DCAF5: variants seen among roughly 807,000 people sequenced by gnomAD.
DCAF5 encodes the protein DDB1- and CUL4-associated factor 5.
A neutral mutation model predicts 80.7 loss-of-function variants in DCAF5; 9 were observed. The ratio of observed to expected loss-of-function variants is 0.11; its 90% CI spans 0.07 to 0.19. The LOEUF (loss-of-function observed/expected upper bound fraction) is 0.19. Ranked by LOEUF, DCAF5 falls within the 10% of genes least tolerant of loss-of-function variation. The pLI is 1.00. For missense variants in DCAF5, 842 were observed against 1,205.7 expected (o/e 0.70, Z 4.47); for synonymous variants, 433 against 461.9 (o/e 0.94, Z 0.80).
chr14:69,064,387 A>G (rs1215615192), intron 7 of DCAF5, among the ~76,000 whole-genome samples: 1 of 152,138 alleles, frequency 6.6e-6, no homozygotes, highest in African/African-American at 2.4e-5. Context: ...ATTTAAATCT[A>G]GTAACAGTCT....
At chr14:69,106,973 T>C (rs1003128960) in intron 5 of DCAF5, among the ~76,000 whole-genome samples, 5 of 152,016 alleles carry the variant, frequency 3.3e-5, no homozygotes, top group Non-Finnish European at 7.4e-5. Context: ...ACCCAAGAGG[T>C]GGAAGCTGCA....
At chr14:69,127,511 G>T (rs2140084266) in intron 1 of DCAF5, among the ~76,000 whole-genome samples, 1 of 152,292 alleles carries the variant, frequency 6.6e-6, no homozygotes, top group African/African-American at 2.4e-5. Context: ...ATGGAGCAGA[G>T]AAGATTTTTA....
chr14:69,118,956 A>C lies in DCAF5; in HGVS notation c.395+238T>G. ...CCTTCTCTTCTAAACTCTTGTTTTA[A>C]ATTTTCACCTAAAAAGTACACTCTC... On this transcript the variant is annotated intron_variant, in intron 3 of 8. Transcript: ENST00000341516. The surrounding 1 kb of genome is among the most constrained non-coding windows in gnomAD (Gnocchi z 4.0). 2.0e-6 allele frequency: 1 copy of C among 496,722 alleles called. No individual in the cohort carries two copies. The highest frequency in any genetic ancestry group is 3.5e-6 in the Non-Finnish European group (1 of 284,484). The allele number at this position is 496,722 out of a possible 1,614,324, so 30.8% of individuals were successfully genotyped here.
intron 1 of DCAF5, among the ~76,000 whole-genome samples, chr14:69,144,422 A>T (rs1417532734): frequency 6.6e-6 from 1 of 151,936 alleles, no homozygotes; most frequent in Non-Finnish European, 1.5e-5. Context: ...AATACAAAAA[A>T]TTAGCTGGGC....
In DCAF5 at chr14:69,058,614, C is replaced by G. The variant is rs558242799; in HGVS notation, c.1075-3003G>C. ...AAAGAGCCAGGCGTGGTGGCTCACA[C>G]CTGTAATCCCAGGACTTTGGGACGT... On this transcript the variant is annotated intron_variant, in intron 8 of 8. Coordinates refer to ENST00000341516, the MANE Select transcript of DCAF5 (RefSeq NM_003861.3). Among the ~76,000 whole-genome samples the G allele has an allele frequency of 4.6e-5, 7 of 152,064 alleles. No homozygotes were observed. The East Asian group carries it at 9.7e-4, about 21-fold the overall frequency.
At position 69,122,376 on chromosome 14, in the gene DCAF5, AGAAT is replaced by A; in HGVS notation, c.215-20_215-17del. ...TCATCTCCTCCTTAAGAAGGAAATA[AGAAT>A]CTGTGCTTAAAACAGCTGACATCGC... On this transcript the variant is annotated splice_polypyrimidine_tract_variant and intron_variant, in intron 1 of 8. Coordinates refer to ENST00000341516, the MANE Select transcript of DCAF5 (RefSeq NM_003861.3). The A allele has an allele frequency of 6.2e-7, 1 of 1,605,012 alleles. No homozygotes were observed. The highest frequency in any genetic ancestry group is 8.5e-7 in the Non-Finnish European group (1 of 1,172,880).
chr14:69,121,748 G>A (rs2040725097), intron 2 of DCAF5, among the ~76,000 whole-genome samples: 1 of 152,182 alleles, frequency 6.6e-6, no homozygotes, highest in African/African-American at 2.4e-5. Flanking sequence ...AGAGGTTGGT[G>A]TGAGCACCAG....
chr14:69,150,556 T>C (rs1287163134), intron 1 of DCAF5, among the ~76,000 whole-genome samples: 1 of 152,136 alleles, frequency 6.6e-6, no homozygotes, highest in Admixed American at 6.5e-5. Flanking sequence ...AGATAAATTA[T>C]GTGGCATGGA....
At chr14:69,139,120 C>A (rs1008276139) in intron 1 of DCAF5, among the ~76,000 whole-genome samples, 2 of 152,106 alleles carry the variant, frequency 1.3e-5, no homozygotes, top group African/African-American at 2.4e-5. Flanking sequence ...CACTGTACCC[C>A]AGCCTGGGCA....
chr14:69,117,355 A>C (rs1027291153), intron 4 of DCAF5, among the ~76,000 whole-genome samples: 1 of 152,188 alleles, frequency 6.6e-6, no homozygotes, highest in African/African-American at 2.4e-5. Flanking sequence ...CCTGAACCTA[A>C]ATAATGAGCA....
At chr14:69,099,251 A>AACACACACACACACACACAC (rs60913200) in intron 5 of DCAF5, among the ~76,000 whole-genome samples, 5 of 124,350 alleles carry the variant, frequency 4.0e-5, no homozygotes, top group East Asian at 2.7e-4. Flanking sequence ...ACTCTGTCTC[A>AACACACACACACACACACAC]ACACACACAC....
Position 69,139,460 on chromosome 14 carries a change from A to T in DCAF5, c.214+13305T>A, listed in dbSNP as rs1032266865. ...AGCTTCAGTTAGCTATGATCATGCC[A>T]CTGCACTTTAGCCTGACCCACAGAG... On this transcript the variant is annotated intron_variant, in intron 1 of 8. Transcript: ENST00000341516. Among the ~76,000 whole-genome samples the T allele has an allele frequency of 2.6e-5, 4 of 152,126 alleles. No homozygotes were observed. In the South Asian group the frequency reaches 8.3e-4, roughly 32 times the overall value.
chr14:69,071,401 C>T (rs1469021080), intron 7 of DCAF5, among the ~76,000 whole-genome samples: 1 of 152,172 alleles, frequency 6.6e-6, no homozygotes, highest in Non-Finnish European at 1.5e-5. Context: ...CAGGACCACT[C>T]TCCATCTCGT....
At position 69,118,403 on chromosome 14, in the gene DCAF5, C is replaced by A; in HGVS notation, c.396-125G>T. ...AGAAGAAAGTCAACCTAGCTAAACC[C>A]AAAAAATATTATATTTCCTGAAAGG... On this transcript the variant is annotated intron_variant, in intron 3 of 8. Transcript: ENST00000341516. This position sits in a 1 kb window ranked among gnomAD's most constrained non-coding sequence, Gnocchi z 4.0. The A allele has an allele frequency of 2.1e-6, 2 of 944,382 alleles. No homozygotes were observed. Among genetic ancestry groups the A allele is most frequent in the Non-Finnish European group, 3.0e-6 (2 of 672,056 alleles). 58.5% of individuals were successfully genotyped at this position (944,382 alleles called of 1,614,324 possible).
At position 69,117,670 on chromosome 14, in the gene DCAF5, T is replaced by C. The variant is rs567709410; in HGVS notation, c.535+469A>G. Among the ~76,000 whole-genome samples the C allele has an allele frequency of 5.9e-5, 9 of 152,286 alleles. No homozygotes were observed. In the South Asian group the frequency reaches 1.9e-3, roughly 32 times the overall value. Reference sequence around the variant, plus strand: ...ACACATCAGAGAGTCAAAGGGCACATTCAGAGGAGGCACTCACACGACAAT... The same window carrying C: ...ACACATCAGAGAGTCAAAGGGCACACTCAGAGGAGGCACTCACACGACAAT... On this transcript the variant is annotated intron_variant, in intron 4 of 8. Coordinates refer to ENST00000341516, the MANE Select transcript of DCAF5 (RefSeq NM_003861.3).
Position 69,054,872 on chromosome 14 carries a change from G to C in DCAF5, c.1814C>G (p.Pro605Arg), listed in dbSNP as rs758041864. The stretch of plus-strand genomic sequence containing the variant: ...GTCTTCTCCAATGTAAGTGTTGGTG[G>C]GCTTGATTGGGGCACTGGGCTTGTC... ...REDKPSAPIK[P>R]TNTYIGEDNY... is the part of the protein sequence containing the mutation. Residue 605 changes from proline to arginine, a missense_variant, in exon 9 of 9, where the codon CCC (proline) becomes CGC (arginine). Around this residue, in one of 5 missense-constraint regions of DCAF5, gnomAD observed 607 missense variants for 656.6 expected, o/e 0.92. Coordinates refer to ENST00000341516, the MANE Select transcript of DCAF5 (RefSeq NM_003861.3). The C allele has an allele frequency of 6.2e-6, 10 of 1,614,040 alleles. No homozygotes were observed. The highest frequency in any genetic ancestry group is 8.5e-6 in the Non-Finnish European group (10 of 1,180,036).
chr14:69,118,121 T>C lies in DCAF5; in HGVS notation c.535+18A>G. The C allele has an allele frequency of 6.2e-7, 1 of 1,613,706 alleles. No individual in the cohort carries two copies. Among genetic ancestry groups the C allele is most frequent in the South Asian group, 1.1e-5 (1 of 91,054 alleles). On this transcript the variant is annotated intron_variant, in intron 4 of 8. Coordinates refer to ENST00000341516, the MANE Select transcript of DCAF5 (RefSeq NM_003861.3). This position sits in a 1 kb window ranked among gnomAD's most constrained non-coding sequence, Gnocchi z 4.0. ...ACTGTTCAACACAGTCCAACAGTCA[T>C]TTGCACAGTGAGCCTACCTCCATGG...
At chr14:69,126,521 C>T (rs2040879943) in intron 1 of DCAF5, among the ~76,000 whole-genome samples, 1 of 152,134 alleles carries the variant, frequency 6.6e-6, no homozygotes, top group South Asian at 2.1e-4. Context: ...TGCAATCCCA[C>T]TCAAATTCTC....
chr14:69,068,388 C>A (rs149461007), intron 7 of DCAF5, among the ~76,000 whole-genome samples: 36 of 152,212 alleles, frequency 2.4e-4, no homozygotes, highest in African/African-American at 8.4e-4. Flanking sequence ...TTCTTGACCC[C>A]ACTGGTAGAA....
Sources: allele counts gnomAD v4.1 joint callset (sites outside exome capture counted in the v4.1 genomes callset), GRCh38; gene constraint gnomAD v4.1.1; regional missense constraint gnomAD v4.1.1; non-coding constraint Gnocchi (gnomAD v3.1); transcripts MANE v1.5; gene names NCBI Gene and HGNC (gene_info 2026-07-23, HGNC 2026-07-21).